RASEF: variants seen among roughly 807,000 people sequenced by gnomAD.
RASEF encodes ras and EF-hand domain-containing protein.
In RASEF, 68 loss-of-function variants were observed where a neutral mutation model predicts 90.1. The ratio of observed to expected loss-of-function variants is 0.75; its 90% confidence interval spans 0.62 to 0.92. The LOEUF (loss-of-function observed/expected upper bound fraction) is 0.92, where lower values mean the gene tolerates loss of function less well. Among genes scored for constraint, RASEF ranks in the 40% least tolerant of loss-of-function variants. RASEF has a pLI of 0.00. For missense variants in RASEF, 949 were observed against 937.2 expected (o/e 1.01, Z -0.16); for synonymous variants, 331 against 345.2 (o/e 0.96, Z 0.46).
chr9:82,986,007 G>A (rs867992080), intron 16 of RASEF, among the ~76,000 whole-genome samples: 3 of 152,248 alleles, frequency 2.0e-5, no homozygotes, highest in South Asian at 2.1e-4. Flanking sequence ...TTAAAAAGAC[G>A]TGAGGGGTTA....
chr9:83,083,506 TATC>T, the RASEF span, among the ~76,000 whole-genome samples: 3 of 152,142 alleles, frequency 2.0e-5, no homozygotes, highest in Non-Finnish European at 4.4e-5. Flanking sequence ...CAAGCATCAC[TATC>T]ATCATATGTA....
chr9:82,997,489 C>T (rs772099550), intron 13 of RASEF, among the ~76,000 whole-genome samples: 2 of 152,104 alleles, frequency 1.3e-5, no homozygotes, highest in Non-Finnish European at 2.9e-5. Flanking sequence ...GAAGGAGATA[C>T]GAACTAGAGA....
At chr9:82,991,367 C>T (rs755894478) in intron 15 of RASEF, among the ~76,000 whole-genome samples, 1 of 152,184 alleles carries the variant, frequency 6.6e-6, no homozygotes, top group Non-Finnish European at 1.5e-5. Flanking sequence ...TAGCACTCTG[C>T]GATCCTCATG....
At chr9:83,133,902 A>G in the RASEF span, among the ~76,000 whole-genome samples, 1 of 152,150 alleles carries the variant, frequency 6.6e-6, no homozygotes, top group East Asian at 1.9e-4. Flanking sequence ...ACAGTAATTA[A>G]GGCAAATAAG....
rs921647417 is a variant in RASEF, at chr9:82,980,935, G to A, written c.*1742C>T. 6.6e-6 allele frequency: 1 copy of A among 152,164 alleles called. No homozygotes were observed. Among genetic ancestry groups the A allele is most frequent in the African/African-American group, 2.4e-5 (1 of 41,428 alleles). The allele number at this position is 152,164 out of a possible 1,614,324, so 9.4% of individuals were successfully genotyped here. A position where few individuals can be genotyped will look rare whatever the true frequency, so the allele number is the denominator to read the frequency against. The stretch of plus-strand genomic sequence containing the variant: ...GATGTCTTCAATAGAGAGAAGGCAT[G>A]TTTATAAAAGTTAAATGATGTTGTA... On this transcript the variant is annotated 3_prime_UTR_variant, in exon 17 of 17. Transcript: ENST00000376447.
At chr9:83,204,276 C>A in the RASEF span, among the ~76,000 whole-genome samples, 5 of 152,048 alleles carry the variant, frequency 3.3e-5, no homozygotes, top group Non-Finnish European at 4.4e-5. Flanking sequence ...CACAGGGATA[C>A]CATGTGGGGT....
At chr9:83,207,559 A>G in the RASEF span, among the ~76,000 whole-genome samples, 2,528 of 149,506 alleles carry the variant, frequency 0.017, 67 homozygotes, top group African/African-American at 0.057. Flanking sequence ...TTCAGGATGT[A>G]CTAGATCAAA....
At chr9:83,120,825 G>C in the RASEF span, among the ~76,000 whole-genome samples, 2 of 152,174 alleles carry the variant, frequency 1.3e-5, no homozygotes, top group Non-Finnish European at 2.9e-5. Context: ...AGGTGATACA[G>C]CATTAATTCA....
chr9:83,042,667 T>C (rs1829862207), intron 1 of RASEF, among the ~76,000 whole-genome samples: 1 of 152,028 alleles, frequency 6.6e-6, no homozygotes, highest in Non-Finnish European at 1.5e-5. Flanking sequence ...TTCAAAATGA[T>C]GGCAGCACTC....
chr9:83,030,939 C>T (rs781213473), intron 1 of RASEF, among the ~76,000 whole-genome samples: 2 of 152,140 alleles, frequency 1.3e-5, no homozygotes, highest in Non-Finnish European at 2.9e-5. Context: ...TTTTCACTCT[C>T]TCCCACTTTC....
intron 1 of RASEF, chr9:83,048,825 A>T (rs1829981189): frequency 1.1e-6 from 1 of 916,882 alleles, no homozygotes; most frequent in African/African-American, 1.8e-5. Context: ...TAACATGTAG[A>T]CCTTATTAAA....
Position 83,009,762 on chromosome 9 carries a change from T to C in RASEF, c.844-6A>G, listed in dbSNP as rs1829205308. 2.5e-6 allele frequency: 4 copies of C among 1,584,746 alleles called. No homozygotes were observed. Among genetic ancestry groups the C allele is most frequent in the Non-Finnish European group, 3.5e-6 (4 of 1,153,590 alleles). ...TTCTTAACTTTCTGGTTTTCCTGGATAAAATGAAAAGTGGGGGTCATTAGA... is the reference window on the plus strand; with the variant it reads ...TTCTTAACTTTCTGGTTTTCCTGGACAAAATGAAAAGTGGGGGTCATTAGA... On this transcript the variant is annotated splice_region_variant and splice_polypyrimidine_tract_variant and intron_variant, in intron 5 of 16. Transcript: ENST00000376447.
At chr9:82,998,588 G>C (rs1490524629) in intron 12 of RASEF, 142 bp from the exon 13 acceptor site, 2 of 590,068 alleles carry the variant, frequency 3.4e-6, no homozygotes, top group Middle Eastern at 4.6e-4. Context: ...TTTAAGGAGA[G>C]TGACCTTCAA....
Position 82,981,489 on chromosome 9 carries a change from C to T in RASEF, c.*1188G>A, listed in dbSNP as rs1029074927. 4 of 152,160 alleles carry T rather than the reference C, an allele frequency of 2.6e-5. No homozygotes were observed. Among genetic ancestry groups the T allele is most frequent in the African/African-American group, 9.7e-5 (4 of 41,430 alleles). The allele number at this position is 152,160 out of a possible 1,614,324, so 9.4% of individuals were successfully genotyped here. On this transcript the variant is annotated 3_prime_UTR_variant, in exon 17 of 17. Transcript: ENST00000376447. ...TGTTAGCAACCAGGGAGTTAGGGGA[C>T]TTGCATTACATTACAGGTTATGCTT...
At chr9:83,175,458 T>C in the RASEF span, among the ~76,000 whole-genome samples, 1 of 152,190 alleles carries the variant, frequency 6.6e-6, no homozygotes, top group Non-Finnish European at 1.5e-5. Context: ...TGATAAACCC[T>C]AGTAGTAGTA....
chr9:83,159,623 C>T, the RASEF span, among the ~76,000 whole-genome samples: 10 of 152,246 alleles, frequency 6.6e-5, no homozygotes, highest in Middle Eastern at 3.4e-3. Context: ...CTTTTAATTG[C>T]ATAATTTTAT....
intron 2 of RASEF, among the ~76,000 whole-genome samples, chr9:83,023,688 T>C (rs78186390): frequency 6.6e-6 from 1 of 152,244 alleles, no homozygotes; most frequent in African/African-American, 2.4e-5. Context: ...TATAAATACC[T>C]GCTATTTGAA....
chr9:83,216,685 C>T, the RASEF span, among the ~76,000 whole-genome samples: 88 of 152,172 alleles, frequency 5.8e-4, no homozygotes, highest in African/African-American at 2.0e-3. Context: ...CACACAGAGT[C>T]CCCACTGGGG....
chr9:83,213,398 T>A, the RASEF span, among the ~76,000 whole-genome samples: 1 of 134,892 alleles, frequency 7.4e-6, no homozygotes, highest in Non-Finnish European at 1.5e-5. Flanking sequence ...AGACTTCATC[T>A]GAAAAAAAAA....
Sources: allele counts gnomAD v4.1 joint callset (sites outside exome capture counted in the v4.1 genomes callset), GRCh38; gene constraint gnomAD v4.1.1; transcripts MANE v1.5; gene names NCBI Gene and HGNC (gene_info 2026-07-23, HGNC 2026-07-21).